Variants in RBFOX3 observed in about 807,000 individuals in gnomAD.
RBFOX3 encodes the protein RNA binding fox-1 homolog 3.
Under a neutral mutation model 48.7 loss-of-function variants are expected in RBFOX3, and 17 were observed. The ratio of observed to expected loss-of-function variants is 0.35; its 90% CI spans 0.24 to 0.52. The LOEUF (loss-of-function observed/expected upper bound fraction) is 0.52, where lower values mean the gene tolerates loss of function less well. Ranked by LOEUF, RBFOX3 falls within the 20% of genes least tolerant of loss-of-function variation. RBFOX3 has a pLI of 0.94. For synonymous variants in RBFOX3, 212 were observed against 209.5 expected (o/e 1.01, Z -0.10); for missense variants, 382 against 497.5 (o/e 0.77, Z 2.21).
intron 4 of RBFOX3, among the ~76,000 whole-genome samples, chr17:79,118,689 C>T (rs1341829615): frequency 6.6e-6 from 1 of 151,988 alleles, no homozygotes; most frequent in Non-Finnish European, 1.5e-5. Flanking sequence ...GAGTGGGCTC[C>T]TGGTTGGGTG....
chr17:79,620,561 A>G, the RBFOX3 span, among the ~76,000 whole-genome samples: 1 of 141,516 alleles, frequency 7.1e-6, no homozygotes, highest in African/African-American at 2.6e-5. Context: ...ACACATGTGC[A>G]CACCCGCGCG....
At chr17:79,530,593 G>A (rs1422903694) in intron 1 of RBFOX3, among the ~76,000 whole-genome samples, 5 of 152,278 alleles carry the variant, frequency 3.3e-5, no homozygotes, top group Non-Finnish European at 7.3e-5. Context: ...AGAGACCAGA[G>A]GGGAGGATGG....
At chr17:79,404,499 C>T (rs1017317195) in intron 2 of RBFOX3, among the ~76,000 whole-genome samples, 4 of 152,232 alleles carry the variant, frequency 2.6e-5, no homozygotes, top group African/African-American at 9.6e-5. Context: ...TGGCAGGAGA[C>T]ACAGATGGAC....
chr17:79,090,923 CG>C (rs1161196532), intron 14 of RBFOX3, 38 bp from the exon 15 acceptor site: 9 of 1,528,002 alleles, frequency 5.9e-6, no homozygotes, highest in African/African-American at 1.4e-5. Context: ...TGCAGCTTCT[CG>C]GGGGAGGCAC....
At chr17:79,150,714 C>T (rs979796298) in intron 4 of RBFOX3, among the ~76,000 whole-genome samples, 1 of 152,210 alleles carries the variant, frequency 6.6e-6, no homozygotes, top group African/African-American at 2.4e-5. Flanking sequence ...CAACCCCACA[C>T]CTGCCCCACA....
chr17:79,354,616 G>C (rs2084609886), intron 2 of RBFOX3, among the ~76,000 whole-genome samples: 2 of 152,266 alleles, frequency 1.3e-5, no homozygotes, highest in South Asian at 2.1e-4. Context: ...AAGATGACAG[G>C]GACTGAGGCG....
intron 3 of RBFOX3, among the ~76,000 whole-genome samples, chr17:79,262,769 T>A (rs1325742642): frequency 6.6e-6 from 1 of 152,224 alleles, no homozygotes; most frequent in Non-Finnish European, 1.5e-5. Context: ...CCAAGACTGG[T>A]CCAATAGTAT....
chr17:79,470,864 A>G (rs2076975802), intron 2 of RBFOX3, among the ~76,000 whole-genome samples: 1 of 152,080 alleles, frequency 6.6e-6, no homozygotes, highest in Non-Finnish European at 1.5e-5. Context: ...CAGGTTTAAT[A>G]TTTCCTCTCT....
intron 1 of RBFOX3, among the ~76,000 whole-genome samples, chr17:79,534,918 G>T (rs1555788357): frequency 6.6e-6 from 1 of 152,180 alleles, no homozygotes; most frequent in Non-Finnish European, 1.5e-5. Context: ...GGCCCACAGA[G>T]ACAAAGACCA....
intron 2 of RBFOX3, among the ~76,000 whole-genome samples, chr17:79,395,202 G>A (rs934085006): frequency 3.3e-5 from 5 of 152,240 alleles, no homozygotes; most frequent in Admixed American, 3.3e-4. Context: ...TTGCAGCCAC[G>A]ATGAGCTGAC....
the RBFOX3 span, among the ~76,000 whole-genome samples, chr17:79,640,252 G>A: frequency 1.3e-5 from 2 of 152,138 alleles, no homozygotes; most frequent in Admixed American, 6.5e-5. Flanking sequence ...ACTTAAAGAG[G>A]TTGAGGGCTT....
At chr17:79,278,248 C>T (rs996705007) in intron 3 of RBFOX3, among the ~76,000 whole-genome samples, 6 of 152,170 alleles carry the variant, frequency 3.9e-5, no homozygotes, top group African/African-American at 1.2e-4. Context: ...TGGCCCGTGG[C>T]TCCAGGCTGC....
intron 1 of RBFOX3, among the ~76,000 whole-genome samples, chr17:79,527,527 C>T (rs1183231139): frequency 6.6e-6 from 1 of 152,346 alleles, no homozygotes; most frequent in Admixed American, 6.5e-5. Flanking sequence ...CTTTGTCTCT[C>T]TCGTGTCTAT....
At chr17:79,459,491 C>T (rs910828912) in intron 2 of RBFOX3, among the ~76,000 whole-genome samples, 4 of 152,116 alleles carry the variant, frequency 2.6e-5, no homozygotes, top group East Asian at 1.9e-4. Flanking sequence ...ACGTCCTGCC[C>T]GGCAGAGGAA....
chr17:79,125,166 C>A (rs1568177821), intron 4 of RBFOX3, among the ~76,000 whole-genome samples: 1 of 152,184 alleles, frequency 6.6e-6, no homozygotes, highest in Non-Finnish European at 1.5e-5. Flanking sequence ...CGGTGTGGGG[C>A]GAGGGCTTCC....
rs982639617 is a variant in RBFOX3, at chr17:79,195,712, C to T, written c.-34+40054G>A. 9.2e-5 allele frequency among the ~76,000 whole-genome samples: 14 copies of T among 152,164 alleles called. No individual in the cohort carries two copies. Among genetic ancestry groups the T allele is most frequent in the South Asian group, 4.1e-4 (2 of 4,834 alleles). ...CTTTCCTTCTGTGCTCCCTCCCCTACGACCGGACAGCACCAGGAAACCAGC... is the reference window on the plus strand; with the variant it reads ...CTTTCCTTCTGTGCTCCCTCCCCTATGACCGGACAGCACCAGGAAACCAGC... On this transcript the variant is annotated intron_variant, in intron 4 of 14. Transcript: ENST00000693108. The surrounding 1 kb of genome is among the most constrained non-coding windows in gnomAD (Gnocchi z 5.3).
chr17:79,384,643 G>A (rs1335211766), intron 2 of RBFOX3, among the ~76,000 whole-genome samples: 4 of 152,338 alleles, frequency 2.6e-5, no homozygotes, highest in South Asian at 2.1e-4. Context: ...GGACCAAGGC[G>A]GTCAATACAG....
intron 1 of RBFOX3, among the ~76,000 whole-genome samples, chr17:79,570,063 T>C (rs1205617237): frequency 6.7e-6 from 1 of 149,922 alleles, no homozygotes; most frequent in Non-Finnish European, 1.5e-5. Context: ...AATGGGCAGA[T>C]GGATAGTAGA....
intron 2 of RBFOX3, among the ~76,000 whole-genome samples, chr17:79,478,163 C>T (rs1041112498): frequency 6.6e-6 from 1 of 152,214 alleles, no homozygotes; most frequent in Admixed American, 6.5e-5. Context: ...TGCCATGCTC[C>T]CCGTGTGATG....
Sources: gnomAD v4.1 joint callset for allele counts (sites outside exome capture counted in the v4.1 genomes callset) on GRCh38, gnomAD v4.1.1 for gene constraint, Gnocchi (gnomAD v3.1) non-coding constraint, MANE v1.5 for transcripts, NCBI Gene and HGNC (gene_info 2026-07-23, HGNC 2026-07-21) for gene names.